The following ANO3 variants were observed in gnomAD, a reference collection of about 807,000 sequenced individuals.
ANO3 encodes the protein anoctamin 3.
A neutral mutation model predicts 144.8 loss-of-function variants in ANO3; 99 were observed. That is an observed-to-expected ratio of 0.68 (90% CI 0.58 to 0.81). The LOEUF (loss-of-function observed/expected upper bound fraction) is 0.81. Ranked by LOEUF, ANO3 falls within the 30% of genes least tolerant of loss-of-function variation. The pLI is 0.00. For missense variants in ANO3, 905 were observed against 1,202.2 expected (o/e 0.75, Z 3.66); for synonymous variants, 414 against 392.6 (o/e 1.05, Z -0.64).
intron 1 of ANO3, among the ~76,000 whole-genome samples, chr11:26,201,368 G>T (rs966676885): frequency 2.0e-5 from 3 of 152,052 alleles, no homozygotes; most frequent in African/African-American, 7.2e-5. Context: ...TAAGAACCAA[G>T]AATTCATTTT....
chr11:26,476,409 G>A (rs1859970900), intron 4 of ANO3, among the ~76,000 whole-genome samples: 1 of 151,980 alleles, frequency 6.6e-6, no homozygotes, highest in Admixed American at 6.6e-5. Flanking sequence ...CAAGGCAGAA[G>A]AGTGACCTAT....
At chr11:26,211,631 A>G (rs1851935164) in intron 1 of ANO3, among the ~76,000 whole-genome samples, 1 of 152,006 alleles carries the variant, frequency 6.6e-6, no homozygotes, top group South Asian at 2.1e-4. Context: ...AATTAGTTCA[A>G]CCATTGTAGA....
At chr11:26,654,612 T>C (rs1447471284) in intron 24 of ANO3, among the ~76,000 whole-genome samples, 2 of 152,152 alleles carry the variant, frequency 1.3e-5, no homozygotes, top group African/African-American at 4.8e-5. Context: ...TTTCTTCTAC[T>C]TGTGTAGGCA....
intron 7 of ANO3, 73 bp downstream of exon 7, chr11:26,525,752 C>A: frequency 8.8e-7 from 1 of 1,135,936 alleles, no homozygotes; most frequent in Non-Finnish European, 1.3e-6. Flanking sequence ...ATTTGATTCC[C>A]CATATCAGCA....
chr11:26,656,350 A>G (rs1300143123), intron 25 of ANO3, 26 bp from the exon 26 acceptor site: 4 of 1,536,350 alleles, frequency 2.6e-6, no homozygotes, highest in South Asian at 2.3e-5. Flanking sequence ...TCTATTTGTC[A>G]TTCTCTTTGT....
intron 1 of ANO3, among the ~76,000 whole-genome samples, chr11:26,395,500 G>T (rs1194244054): frequency 6.6e-6 from 1 of 152,044 alleles, no homozygotes; most frequent in Non-Finnish European, 1.5e-5. Context: ...CACATCCTTT[G>T]TAAGTTATAT....
At chr11:26,352,357 C>A (rs955352303) in intron 1 of ANO3, among the ~76,000 whole-genome samples, 1 of 152,094 alleles carries the variant, frequency 6.6e-6, no homozygotes, top group Admixed American at 6.5e-5. Context: ...CATTGAAGAT[C>A]CTGTCTATAT....
intron 1 of ANO3, among the ~76,000 whole-genome samples, chr11:26,404,593 G>A (rs1857229237): frequency 6.6e-6 from 1 of 151,806 alleles, no homozygotes; most frequent in South Asian, 2.1e-4. Flanking sequence ...GCTAGTAGCA[G>A]TAATCACAGG....
intron 21 of ANO3, 113 bp from the exon 22 acceptor site, chr11:26,641,783 C>T (rs1033091482): frequency 4.4e-6 from 5 of 1,132,914 alleles, no homozygotes; most frequent in Admixed American, 2.9e-5. Flanking sequence ...AAACCAAATA[C>T]CTCCAATTCC....
At chr11:26,388,964 T>C (rs888805101) in intron 1 of ANO3, among the ~76,000 whole-genome samples, 2 of 152,192 alleles carry the variant, frequency 1.3e-5, no homozygotes, top group Admixed American at 6.6e-5. Context: ...TTCTGTATTA[T>C]GTTTGAACAT....
chr11:26,285,211 G>A (rs1298084965), intron 1 of ANO3, among the ~76,000 whole-genome samples: 3 of 152,074 alleles, frequency 2.0e-5, no homozygotes, highest in Non-Finnish European at 2.9e-5. Context: ...TTGTAAAAGA[G>A]CCTGAAGTCT....
At chr11:26,619,428 T>G (rs943716690) in intron 17 of ANO3, among the ~76,000 whole-genome samples, 7 of 152,126 alleles carry the variant, frequency 4.6e-5, no homozygotes, top group Admixed American at 3.3e-4. Context: ...ATTCATCAAA[T>G]CACCTGGAAC....
At chr11:26,282,220 G>T (rs907888087) in intron 1 of ANO3, among the ~76,000 whole-genome samples, 1 of 151,950 alleles carries the variant, frequency 6.6e-6, no homozygotes, top group Non-Finnish European at 1.5e-5. Context: ...AGTGTTTTCC[G>T]CATCAGCTAC....
intron 1 of ANO3, among the ~76,000 whole-genome samples, chr11:26,272,253 CATG>C (rs1393245319): frequency 3.3e-5 from 5 of 151,866 alleles, no homozygotes; most frequent in Admixed American, 2.6e-4. Flanking sequence ...AGAGAAAAGT[CATG>C]ATATTACAAG....
chr11:26,659,727 GT>G (rs1424451712), intron 26 of ANO3, among the ~76,000 whole-genome samples: 1 of 151,886 alleles, frequency 6.6e-6, no homozygotes, highest in African/African-American at 2.4e-5. Context: ...AAAGTAATAT[GT>G]TTTTTATCAT....
At chr11:26,516,686 T>C (rs997862175) in intron 5 of ANO3, 141 bp from the exon 6 acceptor site, 1 of 474,222 alleles carries the variant, frequency 2.1e-6, no homozygotes, top group African/African-American at 2.0e-5. Context: ...ATTTTTTTTA[T>C]CCATATAAAT....
At chr11:26,466,109 A>G (rs1182432361) in intron 4 of ANO3, among the ~76,000 whole-genome samples, 4 of 151,950 alleles carry the variant, frequency 2.6e-5, no homozygotes, top group Admixed American at 1.3e-4. Context: ...ATAATGCACA[A>G]AGCTTGGTAT....
At chr11:26,531,971 G>A (rs1010406499) in intron 8 of ANO3, among the ~76,000 whole-genome samples, 10 of 152,082 alleles carry the variant, frequency 6.6e-5, no homozygotes, top group South Asian at 2.1e-4. Context: ...GTCTAATGGG[G>A]CAGACAAAAA....
intron 1 of ANO3, among the ~76,000 whole-genome samples, chr11:26,358,400 G>A (rs1855842307): frequency 6.6e-6 from 1 of 152,020 alleles, no homozygotes; most frequent in African/African-American, 2.4e-5. Flanking sequence ...TTGATCTCTT[G>A]ACCTCGTGAT....
Sources: gnomAD v4.1 joint callset for allele counts (sites outside exome capture counted in the v4.1 genomes callset) on GRCh38, gnomAD v4.1.1 for gene constraint, MANE v1.5 for transcripts, NCBI Gene and HGNC (gene_info 2026-07-23, HGNC 2026-07-21) for gene names.